The following NCOA3 variants were observed in gnomAD, a reference collection of about 807,000 sequenced individuals.
The protein encoded by NCOA3 is nuclear receptor coactivator 3, also known as CBP-interacting protein.
A neutral mutation model predicts 158.8 loss-of-function variants in NCOA3; 51 were observed. The observed-to-expected ratio is 0.32, with a 90% CI of 0.26 to 0.41. NCOA3 has a LOEUF of 0.41. Among genes scored for constraint, NCOA3 ranks in the 10% least tolerant of loss-of-function variants. The pLI is 1.00. For missense variants in NCOA3, 1,510 were observed against 1,746.6 expected (o/e 0.86, Z 2.41); for synonymous variants, 537 against 592.4 (o/e 0.91, Z 1.36).
chr20:47,502,573 A>T (rs577349189), intron 1 of NCOA3, among the ~76,000 whole-genome samples: 2 of 151,526 alleles, frequency 1.3e-5, no homozygotes, highest in South Asian at 4.2e-4. Context: ...CGGAATTTTC[A>T]TGTTGGGCTC....
rs1301921292 is a variant in NCOA3, at chr20:47,642,180, C to T, written c.3081-33C>T. On this transcript the variant is annotated intron_variant, in intron 16 of 22. Coordinates refer to ENST00000371998, the MANE Select transcript of NCOA3 (RefSeq NM_181659.3). Reference sequence around the variant, plus strand: ...CTATTACTCTTAGAAAAAAAAAAAGCACCATTGACATTGATTGCAAGTCTT... The same window carrying T: ...CTATTACTCTTAGAAAAAAAAAAAGTACCATTGACATTGATTGCAAGTCTT... 2.0e-6 allele frequency: 3 copies of T among 1,489,194 alleles called. No individual in the cohort carries two copies. The African/African-American group carries it at 4.3e-5, about 21-fold the overall frequency. 92.2% of individuals were successfully genotyped at this position (1,489,194 alleles called of 1,614,324 possible).
At chr20:47,627,319 T>C (rs1395597697) in intron 6 of NCOA3, 143 bp downstream of exon 6, 12 of 747,902 alleles carry the variant, frequency 1.6e-5, no homozygotes, top group South Asian at 1.2e-4. Flanking sequence ...TTTTCACATA[T>C]GGAGTCAGTG....
chr20:47,600,326 C>G (rs1222849586), intron 2 of NCOA3, among the ~76,000 whole-genome samples: 1 of 149,980 alleles, frequency 6.7e-6, no homozygotes, highest in Non-Finnish European at 1.5e-5. Context: ...AGGCGCCCAC[C>G]ACCACGCCCA....
At chr20:47,502,885 G>A (rs72661173) in intron 1 of NCOA3, among the ~76,000 whole-genome samples, 43 of 152,142 alleles carry the variant, frequency 2.8e-4, no homozygotes, top group African/African-American at 9.9e-4. Flanking sequence ...CCGAGAGAGC[G>A]AGCATCTACC....
chr20:47,521,279 A>G (rs1220470425), intron 1 of NCOA3, among the ~76,000 whole-genome samples: 1 of 152,218 alleles, frequency 6.6e-6, no homozygotes, highest in Non-Finnish European at 1.5e-5. Flanking sequence ...ATGTAATCAC[A>G]GGCAAGCCCC....
intron 1 of NCOA3, among the ~76,000 whole-genome samples, chr20:47,518,969 C>G (rs1158956902): frequency 6.7e-6 from 1 of 150,370 alleles, no homozygotes. Flanking sequence ...AACCTCATCT[C>G]TACTAAAAAT....
chr20:47,644,863 T>C (rs2086664077), intron 17 of NCOA3, among the ~76,000 whole-genome samples: 2 of 151,788 alleles, frequency 1.3e-5, no homozygotes, highest in Non-Finnish European at 1.5e-5. Context: ...ACGCCCGGCT[T>C]TTTTTTGTAT....
At chr20:47,637,261 T>C (rs186894170) in intron 12 of NCOA3, among the ~76,000 whole-genome samples, 2 of 152,322 alleles carry the variant, frequency 1.3e-5, no homozygotes, top group Admixed American at 1.3e-4. Context: ...TTTTAGAGCA[T>C]GCCTATGAAC....
At chr20:47,518,174 C>T (rs1404087592) in intron 1 of NCOA3, among the ~76,000 whole-genome samples, 1 of 151,606 alleles carries the variant, frequency 6.6e-6, no homozygotes, top group Non-Finnish European at 1.5e-5. Context: ...TAGGGAGACC[C>T]CGTCTCTGCC....
At chr20:47,610,160 A>G (rs1602481726) in intron 2 of NCOA3, among the ~76,000 whole-genome samples, 1 of 152,272 alleles carries the variant, frequency 6.6e-6, no homozygotes, top group East Asian at 1.9e-4. Context: ...TAATGGCTTT[A>G]GAGATTTATT....
At chr20:47,641,345 T>G (rs913188293) in intron 16 of NCOA3, among the ~76,000 whole-genome samples, 3 of 131,516 alleles carry the variant, frequency 2.3e-5, no homozygotes, top group African/African-American at 5.7e-5. Context: ...TTTTTTTTTT[T>G]GAGACGGAAT....
intron 1 of NCOA3, among the ~76,000 whole-genome samples, chr20:47,542,704 A>G (rs1225005365): frequency 2.0e-5 from 3 of 152,086 alleles, no homozygotes; most frequent in Admixed American, 2.0e-4. Flanking sequence ...GCTCATGCCT[A>G]TAGTCCCAGC....
At chr20:47,522,788 T>C (rs2084365289) in intron 1 of NCOA3, among the ~76,000 whole-genome samples, 1 of 151,816 alleles carries the variant, frequency 6.6e-6, no homozygotes, top group African/African-American at 2.4e-5. Flanking sequence ...GCAATCTCCA[T>C]GTTTGGGTGG....
chr20:47,650,801 T>C (rs1436744248), intron 19 of NCOA3, among the ~76,000 whole-genome samples, 181 bp from the exon 20 acceptor site: 1 of 151,904 alleles, frequency 6.6e-6, no homozygotes. Flanking sequence ...AGACGAAGGT[T>C]GCTGTGAGGC....
chr20:47,650,476 C>T (rs993817735), intron 19 of NCOA3, among the ~76,000 whole-genome samples: 1 of 151,746 alleles, frequency 6.6e-6, no homozygotes, highest in African/African-American at 2.4e-5. Context: ...GTCTCGAACT[C>T]CTGACCTCAA....
chr20:47,502,268 G>A lies in NCOA3; in HGVS notation c.-99+249G>A, dbSNP rs867374884. ...GAAGCTGGGTGGCAGTCCGCTTGGGGATCCGAGGGGGTCCCCGCGCGGAGG... is the reference window on the plus strand; with the variant it reads ...GAAGCTGGGTGGCAGTCCGCTTGGGAATCCGAGGGGGTCCCCGCGCGGAGG... On this transcript the variant is annotated intron_variant, in intron 1 of 22. Coordinates refer to ENST00000371998, the MANE Select transcript of NCOA3 (RefSeq NM_181659.3). 9.2e-5 allele frequency among the ~76,000 whole-genome samples: 14 copies of A among 152,324 alleles called. No individual in the cohort carries two copies. The Middle Eastern group carries it at 0.014, about 148-fold the overall frequency.
intron 1 of NCOA3, among the ~76,000 whole-genome samples, chr20:47,554,910 A>T (rs1325596668): frequency 6.6e-6 from 1 of 152,192 alleles, no homozygotes; most frequent in East Asian, 1.9e-4. Context: ...GTCAATCCTA[A>T]GCCAAAAGAA....
intron 1 of NCOA3, among the ~76,000 whole-genome samples, chr20:47,515,929 C>T (rs2084226993): frequency 6.6e-6 from 1 of 152,102 alleles, no homozygotes; most frequent in African/African-American, 2.4e-5. Context: ...GTGAAAGAAG[C>T]CAATTTGGAA....
intron 3 of NCOA3, among the ~76,000 whole-genome samples, chr20:47,622,807 G>T (rs528761500): frequency 6.6e-6 from 1 of 152,310 alleles, no homozygotes; most frequent in South Asian, 2.1e-4. Context: ...ATCTCACAAA[G>T]TACATTCTCA....
Sources: gnomAD v4.1 joint callset for allele counts (sites outside exome capture counted in the v4.1 genomes callset) on GRCh38, gnomAD v4.1.1 for gene constraint, MANE v1.5 for transcripts, NCBI Gene and HGNC (gene_info 2026-07-23, HGNC 2026-07-21) for gene names.